RAI14: variants seen among roughly 807,000 people sequenced by gnomAD.
RAI14 encodes retinoic acid induced 14.
In RAI14, 45 loss-of-function variants were observed where a neutral mutation model predicts 115.4. That is an observed-to-expected ratio of 0.39 (90% CI 0.31 to 0.50). The LOEUF (loss-of-function observed/expected upper bound fraction) is 0.50. Ranked by LOEUF, RAI14 falls within the 20% of genes least tolerant of loss-of-function variation. The pLI is 0.85. For missense variants in RAI14, 939 were observed against 1,131.2 expected (o/e 0.83, Z 2.44); for synonymous variants, 371 against 415.4 (o/e 0.89, Z 1.30).
intron 1 of RAI14, among the ~76,000 whole-genome samples, chr5:34,678,376 G>A (rs1744146527): frequency 6.6e-6 from 1 of 152,092 alleles, no homozygotes; most frequent in Non-Finnish European, 1.5e-5. Context: ...GGACTGAATT[G>A]TGCCCCTCCA....
chr5:34,719,270 T>C (rs900537493), intron 2 of RAI14, among the ~76,000 whole-genome samples: 1 of 152,198 alleles, frequency 6.6e-6, no homozygotes, highest in African/African-American at 2.4e-5. Flanking sequence ...CCTGGCTTTC[T>C]CACAGCATGG....
chr5:34,713,463 A>C (rs978329199), intron 2 of RAI14, among the ~76,000 whole-genome samples: 1 of 152,190 alleles, frequency 6.6e-6, no homozygotes, highest in Non-Finnish European at 1.5e-5. Context: ...TGGACTCAAC[A>C]GTACTTTCTA....
At chr5:34,719,341 G>C (rs1742376923) in intron 2 of RAI14, among the ~76,000 whole-genome samples, 1 of 152,150 alleles carries the variant, frequency 6.6e-6, no homozygotes, top group Non-Finnish European at 1.5e-5. Flanking sequence ...TCCATCCCCT[G>C]TCATGGTCTA....
chr5:34,776,588 T>C (rs767964300), intron 3 of RAI14, among the ~76,000 whole-genome samples: 3 of 152,078 alleles, frequency 2.0e-5, no homozygotes, highest in Non-Finnish European at 4.4e-5. Context: ...GATGGTTCAC[T>C]GGAGCCCAGG....
chr5:34,711,035 G>C (rs957002506), intron 2 of RAI14, among the ~76,000 whole-genome samples: 1 of 152,152 alleles, frequency 6.6e-6, no homozygotes, highest in African/African-American at 2.4e-5. Flanking sequence ...CTGAATGTTT[G>C]TGTCCCCTCA....
chr5:34,711,069 T>C (rs1741331828), intron 2 of RAI14, among the ~76,000 whole-genome samples: 1 of 152,136 alleles, frequency 6.6e-6, no homozygotes, highest in African/African-American at 2.4e-5. Context: ...GAAATCCTAA[T>C]GCCCAAGGTG....
chr5:34,829,756 G>A lies in RAI14; in HGVS notation c.2824G>A (p.Val942Ile), dbSNP rs1757836218. 2.5e-6 allele frequency: 4 copies of A among 1,612,092 alleles called. No homozygotes were observed. The highest frequency in any genetic ancestry group is 3.4e-6 in the Non-Finnish European group (4 of 1,178,712). ...LAECKKQHQE[V>I]ISVYRMHLLY... is the part of the protein sequence containing the mutation. ...GGAATGCAAGAAACAACACCAGGAG[G>A]TCATATCAGTTTACAGAATGCATCT... The change falls in exon 17 of 18, where the codon GTC (valine) becomes ATC (isoleucine). Residue 942 changes from valine (V) to isoleucine (I), a missense_variant. Coordinates refer to ENST00000265109, the MANE Select transcript of RAI14 (RefSeq NM_015577.3).
chr5:34,707,393 G>A (rs1019556378), intron 2 of RAI14, among the ~76,000 whole-genome samples: 2 of 152,208 alleles, frequency 1.3e-5, no homozygotes, highest in Non-Finnish European at 2.9e-5. Context: ...CTTGAACCTG[G>A]GAGGCGGGAG....
chr5:34,672,109 CA>C (rs1309530921), intron 1 of RAI14, among the ~76,000 whole-genome samples: 1 of 152,194 alleles, frequency 6.6e-6, no homozygotes, highest in African/African-American at 2.4e-5. Flanking sequence ...TTTGGGTTTA[CA>C]AATCCATATC....
intron 3 of RAI14, among the ~76,000 whole-genome samples, chr5:34,788,347 T>C (rs1752559157): frequency 6.6e-6 from 1 of 152,080 alleles, no homozygotes; most frequent in Non-Finnish European, 1.5e-5. Flanking sequence ...CTCCTCTCCT[T>C]CTTCCCTAGT....
chr5:34,781,548 G>A (rs1212712295), intron 3 of RAI14, among the ~76,000 whole-genome samples: 1 of 152,138 alleles, frequency 6.6e-6, no homozygotes, highest in Admixed American at 6.5e-5. Flanking sequence ...TGGACATTTA[G>A]GTTGTAATTC....
rs1224823068 is a variant in RAI14 at position 34,831,775 on chromosome 5, T to G, written c.*1010T>G. ...TTTCAGCTATAGCAAAAGGTAGTTA[T>G]GTATGCCAGACCTAATATGAGCTGC... is the stretch of plus-strand genomic sequence containing the variant. On this transcript the variant is annotated 3_prime_UTR_variant, in exon 18 of 18. Coordinates refer to ENST00000265109, the MANE Select transcript of RAI14 (RefSeq NM_015577.3). 6.6e-6 allele frequency: 1 copy of G among 152,220 alleles called. No homozygotes were observed. The highest frequency in any genetic ancestry group is 1.5e-5 in the Non-Finnish European group (1 of 68,042). The allele number at this position is 152,220 out of a possible 1,614,324, so 9.4% of individuals were successfully genotyped here.
In RAI14 at chr5:34,675,639, T is replaced by C. The variant is rs578262360; in HGVS notation, c.-48-11233T>C. Reference sequence around the variant, plus strand: ...GGTGATGCACACCTGTAGTCCCAGCTACTCAGGAGGCTGAGGTGGGAGGAT... The same window carrying C: ...GGTGATGCACACCTGTAGTCCCAGCCACTCAGGAGGCTGAGGTGGGAGGAT... On this transcript the variant is annotated intron_variant, in intron 1 of 17. Coordinates refer to ENST00000265109, the MANE Select transcript of RAI14 (RefSeq NM_015577.3). Among the ~76,000 whole-genome samples the C allele has an allele frequency of 1.4e-4, 22 of 151,992 alleles. No homozygotes were observed. In the South Asian group the frequency reaches 4.0e-3, roughly 27 times the overall value.
At chr5:34,718,406 C>G (rs973055598) in intron 2 of RAI14, among the ~76,000 whole-genome samples, 4 of 152,172 alleles carry the variant, frequency 2.6e-5, no homozygotes, top group African/African-American at 7.2e-5. Context: ...TTTAGCTGTT[C>G]TGTTATCTGT....
intron 3 of RAI14, among the ~76,000 whole-genome samples, chr5:34,793,988 A>C (rs1347718941): frequency 1.3e-5 from 2 of 152,234 alleles, no homozygotes; most frequent in Non-Finnish European, 2.9e-5. Flanking sequence ...GAAACCTTCC[A>C]CCAAGATTAA....
chr5:34,751,381 G>A (rs1460401405), intron 2 of RAI14, among the ~76,000 whole-genome samples: 1 of 152,024 alleles, frequency 6.6e-6, no homozygotes, highest in East Asian at 1.9e-4. Flanking sequence ...GACCTCAAGT[G>A]ATCTGCCCAC....
chr5:34,758,689 A>G (rs944224418), intron 3 of RAI14, among the ~76,000 whole-genome samples: 11 of 152,190 alleles, frequency 7.2e-5, no homozygotes, highest in African/African-American at 2.7e-4. Flanking sequence ...GACTACAGGC[A>G]TGTGCCACCG....
chr5:34,805,983 C>T (rs923965655), intron 5 of RAI14, among the ~76,000 whole-genome samples: 4 of 152,290 alleles, frequency 2.6e-5, no homozygotes, highest in Admixed American at 1.3e-4. Flanking sequence ...AGCCCCTATC[C>T]CAGTGGAGCT....
At chr5:34,709,792 C>A (rs929474578) in intron 2 of RAI14, among the ~76,000 whole-genome samples, 8 of 152,070 alleles carry the variant, frequency 5.3e-5, no homozygotes, top group African/African-American at 1.9e-4. Flanking sequence ...AAGCACTGAT[C>A]TAGGATAATA....
Sources: allele counts gnomAD v4.1 joint callset (sites outside exome capture counted in the v4.1 genomes callset), GRCh38; gene constraint gnomAD v4.1.1; transcripts MANE v1.5; gene names NCBI Gene and HGNC (gene_info 2026-07-23, HGNC 2026-07-21).